GABRG3: variants seen among roughly 807,000 people sequenced by gnomAD.
GABRG3 encodes gamma-aminobutyric acid type A receptor subunit gamma3, also known as gamma-aminobutyric acid receptor subunit gamma-3.
Under a neutral mutation model 48.8 loss-of-function variants are expected in GABRG3, and 25 were observed. The ratio of observed to expected loss-of-function variants is 0.51; its 90% CI spans 0.37 to 0.72. The LOEUF (loss-of-function observed/expected upper bound fraction) is 0.72. GABRG3 is among the 30% of genes least tolerant of loss of function. The probability of loss-of-function intolerance (pLI) is 0.00; values close to 1 mark genes in which losing one functional copy is unlikely to be tolerated. For missense variants in GABRG3, 394 were observed against 577.9 expected (o/e 0.68, Z 3.26); for synonymous variants, 227 against 217.6 (o/e 1.04, Z -0.38).
chr15:27,004,418 C>T (rs1161593712), intron 2 of GABRG3, among the ~76,000 whole-genome samples: 2 of 151,422 alleles, frequency 1.3e-5, no homozygotes, highest in Admixed American at 6.6e-5. Context: ...CTCCTCACTT[C>T]CTAGATGGGA....
chr15:27,371,268 T>A (rs1895404577), intron 5 of GABRG3, among the ~76,000 whole-genome samples: 2 of 150,298 alleles, frequency 1.3e-5, no homozygotes, highest in South Asian at 4.1e-4. Flanking sequence ...CTCTTTTCCC[T>A]GAGACAGTGA....
chr15:27,453,263 A>C (rs1268782003), intron 5 of GABRG3, among the ~76,000 whole-genome samples: 2 of 152,178 alleles, frequency 1.3e-5, no homozygotes, highest in Non-Finnish European at 1.5e-5. Context: ...TTTCTAAGAG[A>C]GTAGATATTA....
intron 3 of GABRG3, among the ~76,000 whole-genome samples, chr15:27,322,821 GA>G (rs1893478110): frequency 2.0e-5 from 3 of 152,106 alleles, no homozygotes; most frequent in South Asian, 2.1e-4. Flanking sequence ...TTGAGCTGCA[GA>G]GTTTAGAATA....
At chr15:27,185,978 G>T (rs1389336344) in intron 3 of GABRG3, among the ~76,000 whole-genome samples, 1 of 147,948 alleles carries the variant, frequency 6.8e-6, no homozygotes, top group Non-Finnish European at 1.5e-5. Flanking sequence ...TTGCATCAAG[G>T]TTTTTAAAAT....
chr15:27,410,154 C>G lies in GABRG3; in HGVS notation c.575-70496C>G, dbSNP rs369493439. 7.9e-5 allele frequency among the ~76,000 whole-genome samples: 12 copies of G among 152,280 alleles called. No homozygotes were observed. In the East Asian group the frequency reaches 2.3e-3, roughly 29 times the overall value. On this transcript the variant is annotated intron_variant, in intron 5 of 9. Coordinates refer to ENST00000615808, the MANE Select transcript of GABRG3 (RefSeq NM_033223.5). ...TATTAAATTTGTCAAAAGCATTTAT[C>G]TATCAAATGATAAGATCATGTTAGT... is the stretch of plus-strand genomic sequence containing the variant.
chr15:27,509,028 C>A (rs1157800099), intron 6 of GABRG3, among the ~76,000 whole-genome samples: 1 of 152,118 alleles, frequency 6.6e-6, no homozygotes, highest in Non-Finnish European at 1.5e-5. Context: ...TGAATTCCCT[C>A]AGTTTTTGTT....
chr15:27,091,877 G>A (rs1897192343), intron 3 of GABRG3, among the ~76,000 whole-genome samples: 1 of 152,156 alleles, frequency 6.6e-6, no homozygotes, highest in Non-Finnish European at 1.5e-5. Flanking sequence ...GTGTTCTCCT[G>A]TCCTGTTTCA....
At chr15:27,049,518 G>T (rs2140708701) in intron 3 of GABRG3, among the ~76,000 whole-genome samples, 1 of 152,302 alleles carries the variant, frequency 6.6e-6, no homozygotes, top group Admixed American at 6.5e-5. Context: ...ACCGACCATA[G>T]AAATGAAAGC....
chr15:27,441,414 G>A (rs973340979), intron 5 of GABRG3, among the ~76,000 whole-genome samples: 8 of 152,152 alleles, frequency 5.3e-5, no homozygotes, highest in African/African-American at 1.9e-4. Flanking sequence ...TTTTGAGATG[G>A]TTTTGTTTCT....
rs149567047 is a variant in GABRG3, at chr15:27,431,223, T to C, written c.575-49427T>C. Among the ~76,000 whole-genome samples, 382 of 152,196 alleles carry C rather than the reference T, an allele frequency of 2.5e-3. 2 individuals carry two copies. The highest frequency in any genetic ancestry group is 8.6e-3 in the African/African-American group (356 of 41,552). On this transcript the variant is annotated intron_variant, in intron 5 of 9. Coordinates refer to ENST00000615808, the MANE Select transcript of GABRG3 (RefSeq NM_033223.5). ...GATTGTTTTGGCTAATCTGGGTCCTTTGAATTTCCATATGAACTTTGGAAT... is the reference window on the plus strand; with the variant it reads ...GATTGTTTTGGCTAATCTGGGTCCTCTGAATTTCCATATGAACTTTGGAAT...
At chr15:27,429,605 A>T (rs1044231570) in intron 5 of GABRG3, among the ~76,000 whole-genome samples, 1 of 152,192 alleles carries the variant, frequency 6.6e-6, no homozygotes, top group Non-Finnish European at 1.5e-5. Context: ...GATCCTGGCA[A>T]TCATGCTCGG....
intron 6 of GABRG3, among the ~76,000 whole-genome samples, chr15:27,499,421 C>G (rs1249428996): frequency 1.3e-5 from 2 of 152,164 alleles, no homozygotes; most frequent in East Asian, 3.9e-4. Flanking sequence ...ATAAACAATG[C>G]AGTCCCTGGC....
chr15:27,304,269 G>A (rs761705379), intron 3 of GABRG3, among the ~76,000 whole-genome samples: 18 of 151,850 alleles, frequency 1.2e-4, no homozygotes, highest in Non-Finnish European at 2.2e-4. Context: ...AGACATGAAA[G>A]TGCCATTTGT....
chr15:27,331,643 A>G (rs1026416478), intron 5 of GABRG3, among the ~76,000 whole-genome samples: 3 of 152,184 alleles, frequency 2.0e-5, no homozygotes, highest in African/African-American at 7.2e-5. Context: ...GTCATGTTGG[A>G]CATATTTGTC....
intron 6 of GABRG3, among the ~76,000 whole-genome samples, chr15:27,507,703 A>G (rs76234807): frequency 6.6e-6 from 1 of 152,106 alleles, no homozygotes; most frequent in Admixed American, 6.6e-5. Context: ...CAAGTCTTCC[A>G]TATCCTTACA....
rs1281845685 is a variant in GABRG3, at chr15:27,533,578, A to G, written c.*697A>G. On this transcript the variant is annotated 3_prime_UTR_variant, in exon 10 of 10. Transcript: ENST00000615808. The stretch of plus-strand genomic sequence containing the variant: ...AAAGATGATTATCTCTGAACATCAG[A>G]AGGTTATTACTTTATTCCAACTTAC... 1.3e-5 allele frequency: 2 copies of G among 152,244 alleles called. No individual in the cohort carries two copies. The highest frequency in any genetic ancestry group is 2.9e-5 in the Non-Finnish European group (2 of 68,080). 9.4% of individuals were successfully genotyped at this position (152,244 alleles called of 1,614,324 possible). A position where few individuals can be genotyped will look rare whatever the true frequency, so the allele number is the denominator to read the frequency against.
intron 3 of GABRG3, among the ~76,000 whole-genome samples, chr15:27,057,909 A>G (rs955064436): frequency 1.3e-5 from 2 of 152,110 alleles, no homozygotes; most frequent in African/African-American, 4.8e-5. Context: ...TCCCATTGCA[A>G]CTCGAGAGGA....
At chr15:27,190,632 T>G (rs530422748) in intron 3 of GABRG3, among the ~76,000 whole-genome samples, 61 of 152,282 alleles carry the variant, frequency 4.0e-4, no homozygotes, top group African/African-American at 1.4e-3. Flanking sequence ...TCTTTATTAG[T>G]CTTGCTAGCG....
chr15:27,178,248 G>A (rs1314017485), intron 3 of GABRG3, among the ~76,000 whole-genome samples: 5 of 152,218 alleles, frequency 3.3e-5, no homozygotes, highest in Admixed American at 2.6e-4. Context: ...TGGTTTGGTT[G>A]TGTGAGTCAC....
Sources: gnomAD v4.1 joint callset for allele counts (sites outside exome capture counted in the v4.1 genomes callset) on GRCh38, gnomAD v4.1.1 for gene constraint, MANE v1.5 for transcripts, NCBI Gene and HGNC (gene_info 2026-07-23, HGNC 2026-07-21) for gene names.